TENM2: variants seen among roughly 807,000 people sequenced by gnomAD.
The protein encoded by TENM2 is teneurin-2.
A neutral mutation model predicts 245.2 loss-of-function variants in TENM2; 52 were observed. The observed-to-expected ratio is 0.21, with a 90% confidence interval of 0.17 to 0.27. The LOEUF is 0.27. Among genes scored for constraint, TENM2 ranks in the 10% least tolerant of loss-of-function variants. The pLI, the probability that TENM2 is intolerant of heterozygous loss-of-function variation, is 1.00. For missense variants in TENM2, 3,046 were observed against 3,666.8 expected, an observed-to-expected ratio of 0.83 and a Z score of 4.37; for synonymous variants, 1,363 against 1,438.9, an observed-to-expected ratio of 0.95 and a Z score of 1.19.
intron 2 of TENM2, among the ~76,000 whole-genome samples, chr5:167,445,330 T>TAGGGAG (rs1275688569): frequency 7.9e-4 from 39 of 49,254 alleles, no homozygotes; most frequent in South Asian, 2.4e-3. Context: ...TATATATATA[T>TAGGGAG]ATATATAGAG....
the TENM2 span, among the ~76,000 whole-genome samples, chr5:167,167,690 T>C: frequency 6.6e-6 from 1 of 152,208 alleles, no homozygotes; most frequent in Admixed American, 6.5e-5. Context: ...AGCCAACATA[T>C]TGTGACTGTT....
chr5:167,209,793 T>G, the TENM2 span, among the ~76,000 whole-genome samples: 1 of 152,216 alleles, frequency 6.6e-6, no homozygotes, highest in Non-Finnish European at 1.5e-5. Flanking sequence ...AAAAATTATT[T>G]TAAAAAGCAA....
chr5:167,698,806 C>T (rs1394801963), intron 2 of TENM2, among the ~76,000 whole-genome samples: 6 of 151,162 alleles, frequency 4.0e-5, no homozygotes, highest in Non-Finnish European at 7.4e-5. Flanking sequence ...GCCTCAGCCT[C>T]CTGAGTAGCT....
rs35451881 is a variant in TENM2, at chr5:167,342,507, C to CTTTTTT, written c.227-32665_227-32660dup. ...CAGGTTTCTCAACTGTAAAGTTATTCTTTTTTTTTTTTTTTTTTTTTTTTT... is the reference window on the plus strand; with the variant it reads ...CAGGTTTCTCAACTGTAAAGTTATTCTTTTTTTTTTTTTTTTTTTTTTTTTTTTTTT... On this transcript the variant is annotated intron_variant, in intron 1 of 28. Transcript: ENST00000518659. Among the ~76,000 whole-genome samples, 273 of 54,318 alleles carry CTTTTTT rather than the reference C, an allele frequency of 5.0e-3. 41 individuals are homozygous for CTTTTTT. Among genetic ancestry groups the CTTTTTT allele is most frequent in the Non-Finnish European group, 5.5e-3 (170 of 31,042 alleles). 35.6% of individuals were successfully genotyped at this position (54,318 alleles called of 152,430 possible).
the TENM2 span, among the ~76,000 whole-genome samples, chr5:167,156,886 A>G: frequency 2.3e-3 from 350 of 152,308 alleles, 2 homozygotes; most frequent in African/African-American, 8.1e-3. Flanking sequence ...ATTAAGTTAT[A>G]TTCTAAGGGA....
the TENM2 span, among the ~76,000 whole-genome samples, chr5:167,237,566 C>T: frequency 6.6e-6 from 1 of 152,132 alleles, no homozygotes; most frequent in Non-Finnish European, 1.5e-5. Context: ...AAAGAATGTT[C>T]TTTAAAAGAA....
intron 2 of TENM2, among the ~76,000 whole-genome samples, chr5:167,630,193 C>G (rs1018552888): frequency 2.0e-5 from 3 of 151,002 alleles, no homozygotes; most frequent in African/African-American, 7.3e-5. Context: ...AGAAGAAACA[C>G]TTTATGGCTT....
At chr5:167,327,509 C>T (rs920450760) in intron 1 of TENM2, among the ~76,000 whole-genome samples, 32 of 152,130 alleles carry the variant, frequency 2.1e-4, no homozygotes, top group Non-Finnish European at 2.5e-4. Context: ...CAGTATCTGG[C>T]GCATAGACAC....
chr5:167,833,684 C>T (rs1487655297), intron 2 of TENM2, among the ~76,000 whole-genome samples: 4 of 152,198 alleles, frequency 2.6e-5, no homozygotes, highest in Admixed American at 6.5e-5. Context: ...CCATTGGAAA[C>T]GCACCATCCT....
At chr5:167,858,667 C>T (rs1365839401) in intron 2 of TENM2, among the ~76,000 whole-genome samples, 2 of 151,372 alleles carry the variant, frequency 1.3e-5, no homozygotes, top group Admixed American at 6.6e-5. Flanking sequence ...GGGACAGTCG[C>T]GGCGCTGACG....
At chr5:168,236,979 TATATATATATATATATATATA>T (rs1371795349) in intron 25 of TENM2, among the ~76,000 whole-genome samples, 65 of 5,862 alleles carry the variant, frequency 0.011, 4 homozygotes, top group African/African-American at 0.015. Flanking sequence ...TATATATATA[TATATATATATATATATATATA>T]TTTTTTTTTT....
At chr5:167,263,742 G>A in the TENM2 span, among the ~76,000 whole-genome samples, 13 of 151,664 alleles carry the variant, frequency 8.6e-5, no homozygotes, top group Admixed American at 3.9e-4. Context: ...AAAAAAAAGA[G>A]CATTTTTATA....
At chr5:167,099,327 C>G in the TENM2 span, among the ~76,000 whole-genome samples, 414 of 152,212 alleles carry the variant, frequency 2.7e-3, 4 homozygotes, top group African/African-American at 9.7e-3. Flanking sequence ...TGTCATTGTA[C>G]TAGTAATAAT....
intron 2 of TENM2, among the ~76,000 whole-genome samples, chr5:167,835,417 A>G (rs975428845): frequency 1.9e-4 from 29 of 152,236 alleles, no homozygotes; most frequent in Non-Finnish European, 3.7e-4. Context: ...ATAACAAAAG[A>G]AAAAAGAGAT....
chr5:167,332,717 C>A (rs138587216), intron 1 of TENM2, among the ~76,000 whole-genome samples: 2 of 152,084 alleles, frequency 1.3e-5, no homozygotes, highest in Non-Finnish European at 2.9e-5. Context: ...CACAAAAAAA[C>A]CTAATTAGCG....
At chr5:167,796,613 C>CGTGT (rs111717417) in intron 2 of TENM2, among the ~76,000 whole-genome samples, 63 of 148,412 alleles carry the variant, frequency 4.2e-4, no homozygotes, top group African/African-American at 1.3e-3. Context: ...ATTTGGGGTG[C>CGTGT]GTGTGTGTGT....
chr5:167,862,615 G>C (rs1185291875), intron 2 of TENM2, among the ~76,000 whole-genome samples: 1 of 152,142 alleles, frequency 6.6e-6, no homozygotes, highest in Non-Finnish European at 1.5e-5. Flanking sequence ...TCAGCTGTCT[G>C]CCTTGATGCA....
At chr5:167,273,440 C>A in the TENM2 span, among the ~76,000 whole-genome samples, 1 of 152,154 alleles carries the variant, frequency 6.6e-6, no homozygotes, top group Non-Finnish European at 1.5e-5. Context: ...TCTAAACTTG[C>A]ATTTCCCCAC....
intron 25 of TENM2, among the ~76,000 whole-genome samples, chr5:168,238,263 A>AGAAAAGAAAGGAAAG (rs1562321224): frequency 1.7e-4 from 23 of 139,184 alleles, no homozygotes; most frequent in African/African-American, 7.2e-4. Flanking sequence ...AGAAAAGAAA[A>AGAAAAGAAAGGAAAG]GAAAAGAAAA....
Sources: allele counts gnomAD v4.1 joint callset (sites outside exome capture counted in the v4.1 genomes callset), GRCh38; gene constraint gnomAD v4.1.1; transcripts MANE v1.5; gene names NCBI Gene and HGNC (gene_info 2026-07-23, HGNC 2026-07-21).